ZBBX: variants seen among roughly 807,000 people sequenced by gnomAD.
The protein encoded by ZBBX is zinc finger B-box domain-containing protein 1.
In ZBBX, 101 loss-of-function variants were observed where a neutral mutation model predicts 108.5. The ratio of observed to expected loss-of-function variants is 0.93; its 90% CI spans 0.79 to 1.10. ZBBX has a LOEUF of 1.10. Ranked by LOEUF, ZBBX falls within the 50% of genes least tolerant of loss-of-function variation. ZBBX has a pLI of 0.00. For synonymous variants in ZBBX, 356 were observed against 323.4 expected (o/e 1.10, Z -1.08); for missense variants, 1,009 against 941.4 (o/e 1.07, Z -0.94).
At chr3:167,292,653 G>C (rs1334327994) in intron 18 of ZBBX, among the ~76,000 whole-genome samples, 1 of 152,064 alleles carries the variant, frequency 6.6e-6, no homozygotes, top group East Asian at 1.9e-4. Context: ...AGAAAAGCAA[G>C]AGCAAACAAA....
chr3:167,185,575 A>G, the ZBBX span, among the ~76,000 whole-genome samples: 2 of 152,148 alleles, frequency 1.3e-5, no homozygotes, highest in Admixed American at 6.5e-5. Flanking sequence ...TGCTTGCTGA[A>G]TACTTAAGTC....
In ZBBX at chr3:167,315,730, G is replaced by A; in HGVS notation, c.1274+20C>T. The A allele has an allele frequency of 6.3e-7, 1 of 1,582,930 alleles. No individual in the cohort carries two copies. The highest frequency in any genetic ancestry group is 1.1e-5 in the South Asian group (1 of 88,142). On this transcript the variant is annotated intron_variant, in intron 15 of 21. Transcript: ENST00000675490. ...GGAGGGGGCTCAATATGCACACAAA[G>A]TTAATTAGAAAGGTTTTACCTTCGT...
chr3:167,267,742 T>G (rs1725811915), intron 20 of ZBBX, among the ~76,000 whole-genome samples: 1 of 152,156 alleles, frequency 6.6e-6, no homozygotes, highest in African/African-American at 2.4e-5. Flanking sequence ...GACAGGGACC[T>G]GTTCTCCTCT....
At chr3:167,316,734 A>T (rs142410154) in intron 14 of ZBBX, among the ~76,000 whole-genome samples, 1 of 152,084 alleles carries the variant, frequency 6.6e-6, no homozygotes, top group African/African-American at 2.4e-5. Context: ...CATATCTATA[A>T]GTTAAAATAG....
chr3:167,275,818 TG>T lies in ZBBX; in HGVS notation c.2254+6419del, dbSNP rs528067438. Among the ~76,000 whole-genome samples, 1,104 of 152,306 alleles carry T rather than the reference TG, an allele frequency of 7.2e-3. 11 individuals carry two copies. Among genetic ancestry groups the T allele is most frequent in the African/African-American group, 0.024 (1,000 of 41,568 alleles). On this transcript the variant is annotated intron_variant, in intron 20 of 21. Coordinates refer to ENST00000675490, the MANE Select transcript of ZBBX (RefSeq NM_001199201.2). Reference sequence around the variant, plus strand: ...TGCCTGCCTCTGTAGGCTCCACCTCTGGGGGCAGGGCACAGACAAACAAAAA... The same window carrying T: ...TGCCTGCCTCTGTAGGCTCCACCTCTGGGGCAGGGCACAGACAAACAAAAA...
At chr3:167,313,845 C>A (rs903642164) in intron 16 of ZBBX, 129 bp downstream of exon 16, 3 of 801,386 alleles carry the variant, frequency 3.7e-6, no homozygotes, top group Non-Finnish European at 5.5e-6. Flanking sequence ...ATATTTTCAA[C>A]TAATTTTCAT....
chr3:167,387,290 G>T (rs891221869), intron 1 of ZBBX, among the ~76,000 whole-genome samples: 1 of 151,912 alleles, frequency 6.6e-6, no homozygotes, highest in African/African-American at 2.4e-5. Flanking sequence ...AAAAATATAG[G>T]CTAGATGAGG....
At chr3:167,193,516 A>T in the ZBBX span, among the ~76,000 whole-genome samples, 1 of 151,918 alleles carries the variant, frequency 6.6e-6, no homozygotes, top group Admixed American at 6.6e-5. Context: ...TTCTATTGAG[A>T]TTGAGACAGG....
chr3:167,269,851 C>T (rs1576830427), intron 20 of ZBBX, among the ~76,000 whole-genome samples: 1 of 152,142 alleles, frequency 6.6e-6, no homozygotes, highest in Non-Finnish European at 1.5e-5. Context: ...ATTACTGTAA[C>T]AGACTCAAAG....
rs771044704 is a variant in ZBBX at position 167,298,406 on chromosome 3, C to G, written c.1778G>C (p.Gly593Ala). Reference protein sequence around the residue: ...RSKPITKQYQGLERFFIFDTN... With the variant: ...RSKPITKQYQALERFFIFDTN... ...ATCAAAAATAAAGAATCTCTCAAGT[C>G]CTTGATATTGTTTTGTTATAGGCTT... is the stretch of plus-strand genomic sequence containing the variant. Residue 593 changes from glycine (G) to alanine (A), a missense_variant, in exon 18 of 22, where the codon GGA becomes GCA. By Grantham distance (60) the Gly-to-Ala change is moderately conservative. Transcript: ENST00000675490. 1.9e-6 allele frequency: 3 copies of G among 1,588,176 alleles called. No homozygotes were observed. The highest frequency in any genetic ancestry group is 2.7e-5 in the African/African-American group (2 of 74,280).
intron 9 of ZBBX, among the ~76,000 whole-genome samples, chr3:167,343,649 A>G (rs1160728458): frequency 2.0e-5 from 3 of 151,938 alleles, no homozygotes; most frequent in Non-Finnish European, 1.5e-5. Flanking sequence ...AGTCATCAAA[A>G]TGCAAACCAA....
At chr3:167,241,989 C>A (rs1162742598) in intron 21 of ZBBX, among the ~76,000 whole-genome samples, 1 of 152,134 alleles carries the variant, frequency 6.6e-6, no homozygotes, top group Non-Finnish European at 1.5e-5. Context: ...ACTAGTATAA[C>A]CTACATTCCT....
intron 4 of ZBBX, among the ~76,000 whole-genome samples, chr3:167,369,766 G>A (rs1204876722): frequency 6.6e-6 from 1 of 152,150 alleles, no homozygotes; most frequent in East Asian, 1.9e-4. Context: ...TGTGAATGCA[G>A]GAACAGTTCC....
chr3:167,258,374 G>T (rs1723884921), intron 20 of ZBBX, among the ~76,000 whole-genome samples: 1 of 152,058 alleles, frequency 6.6e-6, no homozygotes, highest in Non-Finnish European at 1.5e-5. Flanking sequence ...TTTTGTATAA[G>T]GTGAGAAATG....
chr3:167,303,126 T>G (rs1733009440), intron 17 of ZBBX, among the ~76,000 whole-genome samples: 1 of 152,158 alleles, frequency 6.6e-6, no homozygotes, highest in African/African-American at 2.4e-5. Flanking sequence ...AATACTTAAC[T>G]ATACTATTTT....
At chr3:167,353,813 T>C (rs1743068552) in intron 8 of ZBBX, among the ~76,000 whole-genome samples, 1 of 152,022 alleles carries the variant, frequency 6.6e-6, no homozygotes, top group Non-Finnish European at 1.5e-5. Flanking sequence ...TCCAGAGTCA[T>C]ACAAGCTAAT....
intron 1 of ZBBX, among the ~76,000 whole-genome samples, chr3:167,388,060 T>G (rs1747971550): frequency 6.6e-6 from 1 of 152,004 alleles, no homozygotes; most frequent in Admixed American, 6.6e-5. Flanking sequence ...TACACCGGTT[T>G]TAGTTTATTT....
At chr3:167,278,713 C>G (rs1384064510) in intron 20 of ZBBX, among the ~76,000 whole-genome samples, 3 of 151,266 alleles carry the variant, frequency 2.0e-5, no homozygotes, top group Non-Finnish European at 4.4e-5. Flanking sequence ...CTACTCCAAT[C>G]AATAGAAAAA....
the ZBBX span, among the ~76,000 whole-genome samples, chr3:167,198,452 T>C: frequency 6.6e-6 from 1 of 152,154 alleles, no homozygotes; most frequent in African/African-American, 2.4e-5. Flanking sequence ...AAATCAACAG[T>C]ACTTTCACCT....
Sources: gnomAD v4.1 joint callset for allele counts (sites outside exome capture counted in the v4.1 genomes callset) on GRCh38, gnomAD v4.1.1 for gene constraint, MANE v1.5 for transcripts, NCBI Gene and HGNC (gene_info 2026-07-23, HGNC 2026-07-21) for gene names.